The following PLAT variants were observed in gnomAD, a reference collection of about 807,000 sequenced individuals.
The protein encoded by PLAT is tissue-type plasminogen activator.
A neutral mutation model predicts 74.9 loss-of-function variants in PLAT; 48 were observed. The ratio of observed to expected loss-of-function variants is 0.64; its 90% CI spans 0.51 to 0.82. PLAT has a LOEUF of 0.82. PLAT is among the 40% of genes least tolerant of loss of function. PLAT has a pLI of 0.00. For synonymous variants in PLAT, 307 were observed against 294.4 expected (o/e 1.04, Z -0.44); for missense variants, 673 against 736.2 (o/e 0.91, Z 0.99).
intron 1 of PLAT, among the ~76,000 whole-genome samples, chr8:42,195,144 G>C (rs1275886282): frequency 6.6e-6 from 1 of 151,432 alleles, no homozygotes; most frequent in African/African-American, 2.4e-5. Flanking sequence ...CGTCCTAGGG[G>C]CCTGGAGGCA....
intron 13 of PLAT, among the ~76,000 whole-genome samples, chr8:42,177,262 T>C (rs1379625002): frequency 6.6e-6 from 1 of 152,236 alleles, no homozygotes; most frequent in Non-Finnish European, 1.5e-5. Flanking sequence ...GACCAACTCT[T>C]GTTTATATCA....
rs188032402 is a variant in PLAT at position 42,174,805 on chromosome 8, T to C, written c.*1188A>G. 6.6e-6 allele frequency among the ~76,000 whole-genome samples: 1 copy of C among 152,320 alleles called. No individual in the cohort carries two copies. Among genetic ancestry groups the C allele is most frequent in the East Asian group, 1.9e-4 (1 of 5,188 alleles). Reference sequence around the variant, plus strand: ...CTATGTTCCTCTTCCTGAAGTTCACTTCAGACAAGCTCAACTCATTTCTCC... The same window carrying C: ...CTATGTTCCTCTTCCTGAAGTTCACCTCAGACAAGCTCAACTCATTTCTCC... On this transcript the variant is annotated 3_prime_UTR_variant, in exon 14 of 14. Coordinates refer to ENST00000220809, the MANE Select transcript of PLAT (RefSeq NM_000930.5).
chr8:42,194,241 A>AGAGAGAGAGAGAGAGAGAGT (rs1419569830), intron 1 of PLAT, among the ~76,000 whole-genome samples: 23 of 52,568 alleles, frequency 4.4e-4, no homozygotes, highest in African/African-American at 1.5e-3. Context: ...AGAGAGAGAG[A>AGAGAGAGAGAGAGAGAGAGT]GTGTGTGTGT....
intron 1 of PLAT, among the ~76,000 whole-genome samples, chr8:42,203,456 G>A (rs749751014): frequency 1.3e-5 from 2 of 152,184 alleles, no homozygotes; most frequent in Non-Finnish European, 2.9e-5. Flanking sequence ...TTTCCTGGCA[G>A]CCATGATCAG....
rs189247640 is a variant in PLAT at position 42,189,717 on chromosome 8, G to A, written c.116-646C>T. 7.9e-4 allele frequency among the ~76,000 whole-genome samples: 118 copies of A among 149,328 alleles called. 2 individuals are homozygous for A. The highest frequency in any genetic ancestry group is 2.8e-3 in the African/African-American group (112 of 40,684). ...GGGTTCAAGTGATTCTCCTGCCTCA[G>A]CCTCCCGAGTAGCTGGGATTACAGG... On this transcript the variant is annotated intron_variant, in intron 3 of 13. Coordinates refer to ENST00000220809, the MANE Select transcript of PLAT (RefSeq NM_000930.5).
chr8:42,187,990 C>A lies in PLAT; in HGVS notation c.280G>T (p.Gly94Trp). The change falls in exon 5 of 14, where the codon GGG (glycine) becomes TGG (tryptophan). Residue 94 changes from glycine (G) to tryptophan (W), a missense_variant. Physicochemically the swap from Gly to Trp is radical, Grantham distance 184. Transcript: ENST00000220809. ...TACAGGGCCTGCTGGCAGGTGCCCC[C>A]GTTGAAACACCTTGGCTCGCTGCAA... ...KSCSEPRCFN[G>W]GTCQQALYFS... 1 of 1,613,014 alleles carries A rather than the reference C, an allele frequency of 6.2e-7. No individual in the cohort carries two copies. Among genetic ancestry groups the A allele is most frequent in the African/African-American group, 1.3e-5 (1 of 75,026 alleles).
At chr8:42,187,623 A>G (rs1448217780) in intron 5 of PLAT, 51 bp from the exon 6 acceptor site, 1 of 1,487,930 alleles carries the variant, frequency 6.7e-7, no homozygotes, top group Non-Finnish European at 9.1e-7. Flanking sequence ...CCTTTCATTC[A>G]GCCCTCAGGA....
chr8:42,177,420 G>T (rs954144971), intron 13 of PLAT, among the ~76,000 whole-genome samples: 3 of 152,182 alleles, frequency 2.0e-5, no homozygotes, highest in African/African-American at 4.8e-5. Context: ...TCCCATGGAG[G>T]ATTAGGCTGT....
intron 1 of PLAT, among the ~76,000 whole-genome samples, chr8:42,194,259 T>A (rs1367686963): frequency 6.8e-6 from 1 of 147,244 alleles, no homozygotes; most frequent in African/African-American, 2.6e-5. Flanking sequence ...TGTGTGTGTG[T>A]GTGTGTGTGT....
At chr8:42,192,544 T>A (rs1020361285) in intron 2 of PLAT, among the ~76,000 whole-genome samples, 1 of 152,042 alleles carries the variant, frequency 6.6e-6, no homozygotes, top group Non-Finnish European at 1.5e-5. Context: ...CCAAAAAATA[T>A]ATAAATAAAT....
intron 8 of PLAT, chr8:42,182,357 A>C (rs1805282561): frequency 1.9e-5 from 3 of 157,750 alleles, no homozygotes; most frequent in Non-Finnish European, 2.5e-5. Context: ...CTTCTCTTTA[A>C]CTTTGTTACC....
intron 1 of PLAT, among the ~76,000 whole-genome samples, chr8:42,205,674 C>A (rs181169808): frequency 5.2e-4 from 79 of 152,288 alleles, no homozygotes; most frequent in African/African-American, 1.7e-3. Flanking sequence ...ACCTGGAAGC[C>A]CCTACTTCGA....
intron 2 of PLAT, among the ~76,000 whole-genome samples, chr8:42,191,921 C>T (rs554839055): frequency 5.3e-5 from 8 of 151,470 alleles, no homozygotes; most frequent in Non-Finnish European, 7.4e-5. Flanking sequence ...GTGTGTGTAG[C>T]GCTTCCATCT....
intron 1 of PLAT, among the ~76,000 whole-genome samples, chr8:42,207,044 T>A (rs1806367738): frequency 6.6e-6 from 1 of 152,132 alleles, no homozygotes; most frequent in Non-Finnish European, 1.5e-5. Context: ...CAGCCTCAGT[T>A]CCTTTCTGGG....
chr8:42,197,303 C>A (rs1242773894), intron 1 of PLAT, among the ~76,000 whole-genome samples: 1 of 152,222 alleles, frequency 6.6e-6, no homozygotes, highest in Non-Finnish European at 1.5e-5. Context: ...CAGAGCAGCT[C>A]TGACCTTCCT....
chr8:42,181,040 A>G (rs144058371), intron 9 of PLAT, among the ~76,000 whole-genome samples: 14 of 152,266 alleles, frequency 9.2e-5, no homozygotes, highest in Admixed American at 3.9e-4. Flanking sequence ...TTTCTTTTCC[A>G]TCTGTCCAAC....
At chr8:42,177,840 G>C (rs1217448139) in intron 13 of PLAT, among the ~76,000 whole-genome samples, 1 of 152,192 alleles carries the variant, frequency 6.6e-6, no homozygotes. Flanking sequence ...GGAAACCGCC[G>C]ATATGACTGC....
intron 7 of PLAT, among the ~76,000 whole-genome samples, chr8:42,183,100 T>G (rs1805316969): frequency 6.6e-6 from 1 of 151,984 alleles, no homozygotes; most frequent in African/African-American, 2.4e-5. Context: ...ACCTCCTGGG[T>G]TCAAGCGATT....
intron 13 of PLAT, among the ~76,000 whole-genome samples, chr8:42,178,264 CTTTTTTTTTTTT>C (rs5891180): frequency 3.6e-5 from 4 of 110,072 alleles, no homozygotes; most frequent in Non-Finnish European, 5.4e-5. Context: ...ACATTTCTTT[CTTTTTTTTTTTT>C]TTTTTTTTTT....
Sources: allele counts gnomAD v4.1 joint callset (sites outside exome capture counted in the v4.1 genomes callset), GRCh38; gene constraint gnomAD v4.1.1; transcripts MANE v1.5; gene names NCBI Gene and HGNC (gene_info 2026-07-23, HGNC 2026-07-21).